Variants in CRADD observed in about 807,000 individuals in gnomAD.
CRADD encodes death domain-containing protein CRADD.
Under a neutral mutation model 15.5 loss-of-function variants are expected in CRADD, and 9 were observed. The ratio of observed to expected loss-of-function variants is 0.58; its 90% CI spans 0.35 to 1.01. The LOEUF is 1.01. Ranked by LOEUF, CRADD falls within the 50% of genes least tolerant of loss-of-function variation. The pLI is 0.02. For synonymous variants in CRADD, 118 were observed against 107.6 expected, an observed-to-expected ratio of 1.10 and a Z score of -0.60; for missense variants, 227 against 250.3, an observed-to-expected ratio of 0.91 and a Z score of 0.63.
chr12:93,782,872 GA>G (rs1159536578), intron 2 of CRADD, among the ~76,000 whole-genome samples: 1 of 151,952 alleles, frequency 6.6e-6, no homozygotes, highest in Non-Finnish European at 1.5e-5. Flanking sequence ...TCCTTCAAAA[GA>G]AAAAAAGTAT....
chr12:93,749,530 T>TAGAG (rs1956807194), intron 2 of CRADD, among the ~76,000 whole-genome samples: 1 of 151,278 alleles, frequency 6.6e-6, no homozygotes. Flanking sequence ...GCTTCTTCAG[T>TAGAG]GATACTCCAG....
At chr12:93,794,205 T>C (rs1189045447) in intron 2 of CRADD, among the ~76,000 whole-genome samples, 1 of 152,164 alleles carries the variant, frequency 6.6e-6, no homozygotes, top group Non-Finnish European at 1.5e-5. Flanking sequence ...AAGCCTCCAA[T>C]GCTTCATCCT....
intron 2 of CRADD, among the ~76,000 whole-genome samples, chr12:93,794,711 C>G (rs11107187): frequency 6.6e-6 from 1 of 152,122 alleles, no homozygotes; most frequent in East Asian, 1.9e-4. Context: ...AACTGAAGTG[C>G]CACTCCCCCA....
In CRADD at chr12:93,804,885, T is replaced by C. The variant is rs145096072; in HGVS notation, c.299-45085T>C. Among the ~76,000 whole-genome samples the C allele has an allele frequency of 7.9e-3, 1,201 of 152,200 alleles. 24 individuals carry two copies. The highest frequency in any genetic ancestry group is 0.027 in the African/African-American group (1,109 of 41,552). Reference sequence around the variant, plus strand: ...CTCAGTGTCTGACCTTGCATTACCCTCCCTGATCTTAACTTCCCAGAACTC... The same window carrying C: ...CTCAGTGTCTGACCTTGCATTACCCCCCCTGATCTTAACTTCCCAGAACTC... On this transcript the variant is annotated intron_variant, in intron 2 of 2. Transcript: ENST00000332896.
Position 93,847,269 on chromosome 12 carries a change from C to T in CRADD, c.299-2701C>T, listed in dbSNP as rs181860195. Among the ~76,000 whole-genome samples, 446 of 151,756 alleles carry T rather than the reference C, an allele frequency of 2.9e-3. 1 individual carries two copies. The highest frequency in any genetic ancestry group is 6.0e-3 in the Admixed American group (92 of 15,260). On this transcript the variant is annotated intron_variant, in intron 2 of 2. Transcript: ENST00000332896. ...GAATTCTCCACATCAGCAACCCCTA[C>T]CATAAAGTACGAACAAGGTCTACAA...
chr12:93,717,248 A>G (rs1301642313), intron 2 of CRADD, among the ~76,000 whole-genome samples: 1 of 152,052 alleles, frequency 6.6e-6, no homozygotes, highest in Non-Finnish European at 1.5e-5. Context: ...GAATTTTAAG[A>G]GTTCTTTGTC....
intron 2 of CRADD, among the ~76,000 whole-genome samples, chr12:93,761,444 G>A (rs1483518614): frequency 2.6e-5 from 4 of 152,170 alleles, no homozygotes; most frequent in Non-Finnish European, 1.5e-5. Context: ...TCACTTTCAG[G>A]AAGTGAGGAA....
chr12:93,832,060 A>AT (rs5800117), intron 2 of CRADD, among the ~76,000 whole-genome samples: 28,708 of 152,138 alleles, frequency 0.19, 3,544 homozygotes, highest in Non-Finnish European at 0.28. Context: ...TTTATGATTG[A>AT]TTTTTTTAAC....
At chr12:93,773,300 G>A (rs577627048) in intron 2 of CRADD, among the ~76,000 whole-genome samples, 2 of 152,204 alleles carry the variant, frequency 1.3e-5, no homozygotes, top group African/African-American at 4.8e-5. Context: ...GGACCCAGTG[G>A]GAGGTAGTTG....
intron 2 of CRADD, among the ~76,000 whole-genome samples, chr12:93,739,513 G>A (rs1051092330): frequency 6.6e-6 from 1 of 151,012 alleles, no homozygotes; most frequent in African/African-American, 2.4e-5. Flanking sequence ...AAGCTATTAA[G>A]ATTAAATATC....
intron 2 of CRADD, among the ~76,000 whole-genome samples, chr12:93,834,533 G>C (rs191519072): frequency 6.4e-4 from 97 of 152,198 alleles, no homozygotes; most frequent in South Asian, 4.4e-3. Context: ...TTGTTACCCA[G>C]GCTGGACTGC....
intron 2 of CRADD, chr12:93,738,252 A>G (rs1447189858): frequency 1.6e-6 from 1 of 638,048 alleles, no homozygotes; most frequent in South Asian, 1.8e-5. Context: ...GAGCTGGAGA[A>G]GAGAAGGGCC....
chr12:93,835,322 C>T (rs554565851), intron 2 of CRADD, among the ~76,000 whole-genome samples: 1 of 152,292 alleles, frequency 6.6e-6, no homozygotes, highest in African/African-American at 2.4e-5. Context: ...AAAACAATGA[C>T]TGACTTTCCC....
intron 2 of CRADD, among the ~76,000 whole-genome samples, chr12:93,764,922 TC>T (rs1336691083): frequency 6.6e-6 from 1 of 151,972 alleles, no homozygotes; most frequent in Non-Finnish European, 1.5e-5. Context: ...AAGGCATCTA[TC>T]CAGTTTTGAA....
chr12:93,742,285 G>A (rs1478161242), intron 2 of CRADD, among the ~76,000 whole-genome samples: 1 of 152,116 alleles, frequency 6.6e-6, no homozygotes, highest in Non-Finnish European at 1.5e-5. Context: ...AATGTTTCTA[G>A]GGAACCCGGC....
intron 2 of CRADD, among the ~76,000 whole-genome samples, chr12:93,887,492 G>A (rs1007503773): frequency 6.6e-6 from 1 of 152,228 alleles, no homozygotes; most frequent in African/African-American, 2.4e-5. Flanking sequence ...TATGTCGAAG[G>A]AGACTGTGTT....
intron 2 of CRADD, among the ~76,000 whole-genome samples, chr12:93,863,911 GA>G (rs1353748534): frequency 6.6e-6 from 1 of 151,886 alleles, no homozygotes; most frequent in African/African-American, 2.4e-5. Flanking sequence ...CAGTATACTA[GA>G]AATGATGGGT....
intron 2 of CRADD, chr12:93,735,628 C>T (rs1956552793): frequency 6.6e-6 from 1 of 152,112 alleles, no homozygotes; most frequent in Non-Finnish European, 1.5e-5. Context: ...CAGTCGAGTA[C>T]AGTAGTTCAA....
At chr12:93,885,372 G>A (rs1210785981) in intron 2 of CRADD, among the ~76,000 whole-genome samples, 1 of 152,080 alleles carries the variant, frequency 6.6e-6, no homozygotes, top group Non-Finnish European at 1.5e-5. Context: ...AACATTTTTT[G>A]CAATCTGTTC....
Sources: gnomAD v4.1 joint callset for allele counts (sites outside exome capture counted in the v4.1 genomes callset) on GRCh38, gnomAD v4.1.1 for gene constraint, MANE v1.5 for transcripts, NCBI Gene and HGNC (gene_info 2026-07-23, HGNC 2026-07-21) for gene names.